CLVS1: variants seen among roughly 807,000 people sequenced by gnomAD.
CLVS1 encodes clavesin-1.
A neutral mutation model predicts 33.1 loss-of-function variants in CLVS1; 10 were observed. The ratio of observed to expected loss-of-function variants is 0.30; its 90% CI spans 0.19 to 0.51. CLVS1 has a LOEUF of 0.51. CLVS1 is among the 20% of genes least tolerant of loss of function. The probability of loss-of-function intolerance (pLI) is 0.97; values close to 1 mark genes in which losing one functional copy is unlikely to be tolerated. For synonymous variants in CLVS1, 163 were observed against 166.1 expected (o/e 0.98, Z 0.14); for missense variants, 343 against 433.4 (o/e 0.79, Z 1.85).
intron 1 of CLVS1, among the ~76,000 whole-genome samples, chr8:61,082,090 A>G (rs1805030352): frequency 6.6e-6 from 1 of 152,200 alleles, no homozygotes; most frequent in African/African-American, 2.4e-5. Flanking sequence ...ATGGATGGGT[A>G]AGGTAAGCAT....
At chr8:61,034,296 G>A in the CLVS1 span, among the ~76,000 whole-genome samples, 2 of 151,956 alleles carry the variant, frequency 1.3e-5, no homozygotes, top group Non-Finnish European at 2.9e-5. Flanking sequence ...AAAATGTAAT[G>A]TTATAATATA....
intron 3 of CLVS1, among the ~76,000 whole-genome samples, chr8:61,400,829 T>C (rs185582271): frequency 2.1e-3 from 321 of 152,330 alleles, no homozygotes; most frequent in South Asian, 0.019. Context: ...ATGTGATGAA[T>C]CACATTTATT....
intron 2 of CLVS1, among the ~76,000 whole-genome samples, chr8:61,204,814 C>T (rs1413408710): frequency 6.6e-6 from 1 of 152,182 alleles, no homozygotes. Context: ...GAGCTTTTGC[C>T]ACTAAAAAAT....
intron 2 of CLVS1, among the ~76,000 whole-genome samples, chr8:61,160,985 AAAAT>A (rs1806739738): frequency 6.6e-6 from 1 of 152,386 alleles, no homozygotes; most frequent in African/African-American, 2.4e-5. Context: ...CAATAGTAAG[AAAAT>A]AAATAACCAT....
intron 2 of CLVS1, among the ~76,000 whole-genome samples, chr8:61,229,700 G>T (rs1467324578): frequency 6.6e-6 from 1 of 152,170 alleles, no homozygotes; most frequent in Non-Finnish European, 1.5e-5. Context: ...GCGCAATCTT[G>T]GCTCACTGCA....
At chr8:61,067,287 G>A (rs937554020) in intron 1 of CLVS1, among the ~76,000 whole-genome samples, 3 of 151,822 alleles carry the variant, frequency 2.0e-5, no homozygotes, top group Non-Finnish European at 4.4e-5. Context: ...AGTCTCTGAC[G>A]TAGTTCTTGG....
intron 5 of CLVS1, among the ~76,000 whole-genome samples, chr8:61,490,711 C>A (rs1460541539): frequency 2.7e-5 from 4 of 149,268 alleles, no homozygotes; most frequent in African/African-American, 9.8e-5. Flanking sequence ...GTAATCCCAG[C>A]ACTTTGGGAG....
intron 2 of CLVS1, among the ~76,000 whole-genome samples, chr8:61,326,147 C>A (rs907232228): frequency 6.6e-6 from 1 of 152,174 alleles, no homozygotes; most frequent in South Asian, 2.1e-4. Flanking sequence ...CAACACAGAA[C>A]TAAAACCAAT....
At chr8:61,484,243 A>G (rs962730904) in intron 5 of CLVS1, among the ~76,000 whole-genome samples, 8 of 152,224 alleles carry the variant, frequency 5.3e-5, no homozygotes, top group Admixed American at 1.3e-4. Context: ...ACTTCAGCAA[A>G]GTCTCAGGAT....
the CLVS1 span, among the ~76,000 whole-genome samples, chr8:61,001,412 T>C: frequency 6.6e-6 from 1 of 152,246 alleles, no homozygotes; most frequent in East Asian, 1.9e-4. Context: ...ATCCAGTGTG[T>C]GTTTCACCAG....
intron 2 of CLVS1, among the ~76,000 whole-genome samples, chr8:61,171,545 C>G (rs747954148): frequency 7.2e-5 from 11 of 152,184 alleles, no homozygotes; most frequent in Non-Finnish European, 1.3e-4. Context: ...CAAAGGGTCT[C>G]TTTGTTCACT....
intron 2 of CLVS1, among the ~76,000 whole-genome samples, chr8:61,180,227 C>T (rs1460553745): frequency 6.6e-6 from 1 of 152,040 alleles, no homozygotes; most frequent in East Asian, 1.9e-4. Flanking sequence ...TGCAAATAAA[C>T]TAGAAAATCT....
intron 2 of CLVS1, among the ~76,000 whole-genome samples, chr8:61,180,665 T>G (rs4397400): frequency 2.6e-5 from 4 of 152,066 alleles, no homozygotes; most frequent in African/African-American, 9.7e-5. Context: ...TTCATCCCTG[T>G]GACGCAAGTC....
At chr8:61,160,232 T>G (rs1403181715) in intron 2 of CLVS1, among the ~76,000 whole-genome samples, 2 of 152,228 alleles carry the variant, frequency 1.3e-5, no homozygotes, top group African/African-American at 4.8e-5. Context: ...AGAAATTAAT[T>G]GTACAATCTT....
rs577985663 is a variant in CLVS1 at position 61,304,476 on chromosome 8, C to T, written c.455+4194C>T. On this transcript the variant is annotated intron_variant, in intron 2 of 5. Transcript: ENST00000325897. ...CAAAACCAGATGGATTCAATCAGCT[C>T]GCATGTATTTATACAAAAAATGAAC... Among the ~76,000 whole-genome samples the T allele has an allele frequency of 1.3e-4, 20 of 152,254 alleles. 1 individual carries two copies. The highest frequency in any genetic ancestry group is 1.5e-4 in the Non-Finnish European group (10 of 68,028).
chr8:61,145,649 T>C (rs1806401626), intron 2 of CLVS1, among the ~76,000 whole-genome samples: 1 of 152,220 alleles, frequency 6.6e-6, no homozygotes, highest in Admixed American at 6.5e-5. Flanking sequence ...CAATTTTGGC[T>C]TTTGTTCTCA....
At position 61,070,678 on chromosome 8, in the gene CLVS1, C is replaced by G. The variant is rs1462589337; in HGVS notation, c.-243+13448C>G. On this transcript the variant is annotated intron_variant, in intron 1 of 2. Coordinates refer to the CLVS1 transcript ENST00000522621. Reference sequence around the variant, plus strand: ...AACATTGGGAGACCCCATCTCTACACAAAATTAAAAAATTATCCAGGCACA... The same window carrying G: ...AACATTGGGAGACCCCATCTCTACAGAAAATTAAAAAATTATCCAGGCACA... Among the ~76,000 whole-genome samples the G allele has an allele frequency of 2.0e-5, 3 of 152,140 alleles. No homozygotes were observed. The East Asian group carries it at 5.8e-4, about 29-fold the overall frequency.
intron 2 of CLVS1, among the ~76,000 whole-genome samples, chr8:61,250,841 T>C (rs1298838725): frequency 2.0e-5 from 3 of 152,204 alleles, no homozygotes; most frequent in African/African-American, 7.2e-5. Context: ...TTTCTAAATA[T>C]ACAATCATGT....
chr8:61,104,439 C>T (rs12680263), intron 1 of CLVS1, among the ~76,000 whole-genome samples: 12,095 of 152,216 alleles, frequency 0.079, 848 homozygotes, highest in East Asian at 0.36. Flanking sequence ...TTCTTGTAGT[C>T]CTTAACTCCA....
Sources: gnomAD v4.1 joint callset for allele counts (sites outside exome capture counted in the v4.1 genomes callset) on GRCh38, gnomAD v4.1.1 for gene constraint, MANE v1.5 for transcripts, NCBI Gene and HGNC (gene_info 2026-07-23, HGNC 2026-07-21) for gene names.